ATP7A: variants seen among roughly 807,000 people sequenced by gnomAD.
ATP7A encodes copper-transporting ATPase 1.
In ATP7A, 7 loss-of-function variants were observed where a neutral mutation model predicts 83.5. That is an observed-to-expected ratio of 0.08 (90% CI 0.05 to 0.16). The LOEUF (loss-of-function observed/expected upper bound fraction) is 0.16. Ranked by LOEUF, ATP7A falls within the 10% of genes least tolerant of loss-of-function variation. The probability of loss-of-function intolerance (pLI) is 1.00; values close to 1 mark genes in which losing one functional copy is unlikely to be tolerated. For synonymous variants in ATP7A, 354 were observed against 395.2 expected, an observed-to-expected ratio of 0.90 and a Z score of 1.24; for missense variants, 940 against 1,120.8, an observed-to-expected ratio of 0.84 and a Z score of 2.30.
chrX:78,037,149 C>A (rs1427610934), intron 17 of ATP7A, among the ~76,000 whole-genome samples: 2 of 110,945 alleles, frequency 1.8e-5, no homozygotes, highest in Non-Finnish European at 3.8e-5. Flanking sequence ...TTAGAGATAT[C>A]CCAAGTGGTG....
At chrX:77,966,929 T>C (rs782121684) in intron 1 of ATP7A, 104 of 290,554 alleles carry the variant, frequency 3.6e-4, no homozygotes, top group South Asian at 3.2e-3. Context: ...CAGGCTCCGG[T>C]GTGTGATGTT....
intron 1 of ATP7A, among the ~76,000 whole-genome samples, chrX:77,932,917 G>T (rs949333865): frequency 7.4e-5 from 8 of 108,229 alleles, no homozygotes; most frequent in Non-Finnish European, 1.1e-4. Context: ...GAGGGGGACC[G>T]TGGGGAGAGG....
chrX:77,993,129 C>T (rs781782769), intron 4 of ATP7A, among the ~76,000 whole-genome samples: 1 of 112,092 alleles, frequency 8.9e-6, no homozygotes, highest in East Asian at 2.8e-4. Flanking sequence ...TATTCCTATG[C>T]CTCTTACATA....
intron 7 of ATP7A, among the ~76,000 whole-genome samples, 173 bp from the exon 8 acceptor site, chrX:78,011,003 G>C (rs1263881616): frequency 3.6e-5 from 4 of 111,834 alleles, no homozygotes; most frequent in Non-Finnish European, 7.5e-5. Flanking sequence ...TTTGATGAAA[G>C]ATTGGAAACA....
rs782480819 is a variant in ATP7A, at chrX:78,004,127, G to A, written c.1707+891G>A. On this transcript the variant is annotated intron_variant, in intron 6 of 22. Coordinates refer to ENST00000341514, the MANE Select transcript of ATP7A (RefSeq NM_000052.7). ...AAAATAGATCAATATTAACTGACAA[G>A]TAAAGATTTCCAGGATGTATTATTT... 2.7e-5 allele frequency among the ~76,000 whole-genome samples: 3 copies of A among 111,573 alleles called. No homozygotes were observed. In the South Asian group the frequency reaches 1.1e-3, roughly 41 times the overall value.
chrX:77,969,346 A>T (rs1557229266), intron 1 of ATP7A: 1 of 1,210,284 alleles, frequency 8.3e-7, no homozygotes, highest in Admixed American at 2.2e-5. Context: ...TGCTTTATTG[A>T]GACCGGTTAG....
intron 14 of ATP7A, among the ~76,000 whole-genome samples, chrX:78,027,155 A>G (rs1557236439): frequency 9.1e-6 from 1 of 110,479 alleles, no homozygotes; most frequent in Non-Finnish European, 1.9e-5. Context: ...CGTCTCAAAA[A>G]AAAAAAAAAA....
intron 1 of ATP7A, among the ~76,000 whole-genome samples, chrX:77,971,405 G>C (rs1333455139): frequency 8.9e-6 from 1 of 112,283 alleles, no homozygotes; most frequent in Admixed American, 9.4e-5. Context: ...CATATCCATA[G>C]AAACAACTTT....
chrX:78,013,568 A>G (rs1280733227), intron 10 of ATP7A, among the ~76,000 whole-genome samples: 1 of 112,038 alleles, frequency 8.9e-6, no homozygotes, highest in Non-Finnish European at 1.9e-5. Context: ...TTTGCAGTCT[A>G]GATTATTATC....
rs1204475767 is a variant in ATP7A at position 78,046,482 on chromosome X, G to A, written c.4415G>A (p.Arg1472His). The A allele has an allele frequency of 5.8e-6, 7 of 1,208,854 alleles. No individual in the cohort carries two copies. The highest frequency in any genetic ancestry group is 2.2e-5 in the Admixed American group (1 of 45,616). ...ASINSLLSDK[R>H]SLNSVVTSEP... ...ATAAACTCACTACTGTCTGATAAAC[G>A]CTCCCTAAACAGTGTTGTTACCAGT... The change falls in exon 23 of 23, where the codon CGC becomes CAC. Residue 1472 changes from arginine to histidine, a missense_variant. Arg to His is a conservative substitution (Grantham distance 29). This residue lies in a region of ATP7A where 386 missense variants were observed against 502.2 expected (regional missense o/e 0.77). Transcript: ENST00000341514.
intron 12 of ATP7A, among the ~76,000 whole-genome samples, chrX:78,018,643 C>T (rs891006522): frequency 1.8e-5 from 2 of 112,335 alleles, no homozygotes; most frequent in African/African-American, 6.5e-5. Context: ...AAGTCGCTTC[C>T]GCATTTTCAA....
intron 1 of ATP7A, among the ~76,000 whole-genome samples, chrX:77,939,103 C>T (rs1419962006): frequency 9.0e-6 from 1 of 111,282 alleles, no homozygotes; most frequent in Non-Finnish European, 1.9e-5. Context: ...CGAGATCAGC[C>T]TGGCCAACAT....
rs1557231883 is a variant in ATP7A at position 77,989,794 on chromosome X, G to C, written c.1172G>C (p.Cys391Ser). The C allele has an allele frequency of 3.3e-6, 4 of 1,209,620 alleles. No individual in the cohort carries two copies. Among genetic ancestry groups the C allele is most frequent in the Non-Finnish European group, 4.5e-6 (4 of 895,042 alleles). ...ATTGATGGCATGACTTGTAATTCCT[G>C]TGTGCAGTCTATTGAGGGTGTCATA... ...INIDGMTCNS[C>S]VQSIEGVISK... The change falls in exon 4 of 23, where the codon TGT becomes TCT. Residue 391 changes from cysteine (C) to serine (S), a missense_variant. Around this residue, in one of 3 missense-constraint regions of ATP7A, gnomAD observed 350 missense variants for 432.8 expected, o/e 0.81. Transcript: ENST00000341514.
At chrX:77,927,912 G>A (rs28600736) in intron 1 of ATP7A, among the ~76,000 whole-genome samples, 12 of 110,842 alleles carry the variant, frequency 1.1e-4, no homozygotes, top group African/African-American at 3.6e-4. Flanking sequence ...AGTTTGCTGA[G>A]AATGATGGTT....
intron 6 of ATP7A, among the ~76,000 whole-genome samples, chrX:78,005,175 C>T (rs2077765548): frequency 9.0e-6 from 1 of 111,270 alleles, no homozygotes; most frequent in South Asian, 3.7e-4. Flanking sequence ...TTCGGACATA[C>T]AGAAAAGTCA....
chrX:78,012,805 C>T, intron 9 of ATP7A, 74 bp from the exon 10 acceptor site: 1 of 925,383 alleles, frequency 1.1e-6, no homozygotes. Flanking sequence ...ACTATTGATA[C>T]TTTAAGTTAT....
At chrX:78,040,850 C>A in intron 19 of ATP7A, 117 bp downstream of exon 19, 1 of 931,943 alleles carries the variant, frequency 1.1e-6, no homozygotes, top group Non-Finnish European at 1.5e-6. Context: ...GTAGTCCTAT[C>A]TGGTTCCTTC....
At chrX:78,001,540 A>G (rs1465480823) in intron 5 of ATP7A, among the ~76,000 whole-genome samples, 1 of 111,840 alleles carries the variant, frequency 8.9e-6, no homozygotes, top group Non-Finnish European at 1.9e-5. Context: ...ATCAAATACT[A>G]GGTCCTATTC....
intron 1 of ATP7A, among the ~76,000 whole-genome samples, chrX:77,916,162 C>T (rs2077184017): frequency 9.1e-6 from 1 of 109,955 alleles, no homozygotes; most frequent in Admixed American, 9.7e-5. Context: ...CCAGACCAGC[C>T]TGGGCAACAA....
Sources: allele counts gnomAD v4.1 joint callset (sites outside exome capture counted in the v4.1 genomes callset), GRCh38; gene constraint gnomAD v4.1.1; regional missense constraint gnomAD v4.1.1; transcripts MANE v1.5; gene names NCBI Gene and HGNC (gene_info 2026-07-23, HGNC 2026-07-21).